The following NRXN1 variants were observed in gnomAD, a reference collection of about 807,000 sequenced individuals.
NRXN1 encodes neurexin-1.
NRXN1 carries 39 observed loss-of-function variants against 150.9 expected under a neutral mutation model. That is an observed-to-expected ratio of 0.26 (90% confidence interval 0.20 to 0.34). NRXN1 has a LOEUF of 0.34. Among genes scored for constraint, NRXN1 ranks in the 10% least tolerant of loss-of-function variants. NRXN1 has a pLI of 1.00. For missense variants in NRXN1, 1,815 were observed against 1,949.9 expected (o/e 0.93, Z 1.30); for synonymous variants, 924 against 757.0 (o/e 1.22, Z -3.62).
At chr2:50,151,594 A>T (rs562755894) in intron 18 of NRXN1, among the ~76,000 whole-genome samples, 13 of 151,886 alleles carry the variant, frequency 8.6e-5, no homozygotes, top group African/African-American at 3.1e-4. Context: ...CCAAAGCTTT[A>T]AAACAAGCAA....
At chr2:50,855,557 C>G (rs1454531629) in intron 5 of NRXN1, among the ~76,000 whole-genome samples, 1 of 151,952 alleles carries the variant, frequency 6.6e-6, no homozygotes, top group Non-Finnish European at 1.5e-5. Flanking sequence ...AAAGAATGTG[C>G]CAGAGGTTGA....
Position 50,258,705 on chromosome 2 carries a change from T to C in NRXN1, c.3365-21735A>G, listed in dbSNP as rs545678257. Reference sequence around the variant, plus strand: ...CAATGTACTTTGTCTAGATACATCATAGGAATCACTATCTATGGCAGTTAT... The same window carrying C: ...CAATGTACTTTGTCTAGATACATCACAGGAATCACTATCTATGGCAGTTAT... On this transcript the variant is annotated intron_variant, in intron 17 of 22. Transcript: ENST00000401669. 1.9e-4 allele frequency among the ~76,000 whole-genome samples: 29 copies of C among 152,152 alleles called. No individual in the cohort carries two copies. In the East Asian group the frequency reaches 4.8e-3, roughly 25 times the overall value.
intron 5 of NRXN1, among the ~76,000 whole-genome samples, chr2:50,706,386 G>A (rs765805064): frequency 6.6e-6 from 1 of 152,096 alleles, no homozygotes; most frequent in Non-Finnish European, 1.5e-5. Flanking sequence ...TTATACAACA[G>A]GTTAGCAAAT....
chr2:50,769,845 A>T (rs1253102722), intron 5 of NRXN1, among the ~76,000 whole-genome samples: 3 of 152,128 alleles, frequency 2.0e-5, no homozygotes, highest in South Asian at 2.1e-4. Flanking sequence ...AGCCTAGACA[A>T]AATAAAGAAA....
At chr2:50,339,547 C>T (rs755714125) in intron 17 of NRXN1, among the ~76,000 whole-genome samples, 10 of 152,118 alleles carry the variant, frequency 6.6e-5, no homozygotes, top group Admixed American at 2.6e-4. Flanking sequence ...CAAATCTCAC[C>T]GATATTAAGT....
chr2:50,420,140 T>C (rs2083862696), intron 17 of NRXN1, among the ~76,000 whole-genome samples: 1 of 151,998 alleles, frequency 6.6e-6, no homozygotes. Flanking sequence ...TTAAGAGAAT[T>C]AACATGGAGA....
intron 18 of NRXN1, among the ~76,000 whole-genome samples, chr2:50,164,118 C>A (rs2059534402): frequency 6.6e-6 from 1 of 152,070 alleles, no homozygotes; most frequent in South Asian, 2.1e-4. Context: ...CCATTATGAC[C>A]AATATCCTGT....
At chr2:49,963,117 G>T (rs889304268) in intron 21 of NRXN1, among the ~76,000 whole-genome samples, 1 of 152,142 alleles carries the variant, frequency 6.6e-6, no homozygotes, top group African/African-American at 2.4e-5. Context: ...CCCCTACAAT[G>T]TGTAATCTTA....
intron 17 of NRXN1, among the ~76,000 whole-genome samples, chr2:50,255,674 T>G (rs2067629873): frequency 6.6e-6 from 1 of 152,142 alleles, no homozygotes. Context: ...GGCTTCCAAC[T>G]TAAAAATTCC....
intron 5 of NRXN1, among the ~76,000 whole-genome samples, chr2:50,703,862 A>G (rs1694086886): frequency 6.6e-6 from 1 of 152,148 alleles, no homozygotes; most frequent in Non-Finnish European, 1.5e-5. Context: ...CAGACTGAAT[A>G]AGAAACTTGC....
intron 8 of NRXN1, among the ~76,000 whole-genome samples, chr2:50,554,934 G>A (rs1006857298): frequency 1.3e-5 from 2 of 151,978 alleles, no homozygotes; most frequent in African/African-American, 4.8e-5. Flanking sequence ...ATAACAAAAA[G>A]GAATTACATT....
Position 50,152,361 on chromosome 2 carries a change from T to G in NRXN1, c.3547-60867A>C, listed in dbSNP as rs138737309. Among the ~76,000 whole-genome samples, 709 of 151,846 alleles carry G rather than the reference T, an allele frequency of 4.7e-3. 10 individuals are homozygous for G. The highest frequency in any genetic ancestry group is 4.9e-3 in the Non-Finnish European group (330 of 67,778). ...GTTCTCAAGGTTCATCCATGAACCC[T>G]GCATATGTCAGAATTTCTTTCCTTT... On this transcript the variant is annotated intron_variant, in intron 18 of 22. Transcript: ENST00000401669.
intron 13 of NRXN1, among the ~76,000 whole-genome samples, chr2:50,499,079 C>T (rs987491407): frequency 6.6e-6 from 1 of 152,124 alleles, no homozygotes; most frequent in African/African-American, 2.4e-5. Context: ...TTAGTCAAGA[C>T]AGTAAAATAT....
At chr2:50,302,103 T>C (rs1016420318) in intron 17 of NRXN1, among the ~76,000 whole-genome samples, 1 of 104,734 alleles carries the variant, frequency 9.5e-6, no homozygotes, top group African/African-American at 3.2e-5. Context: ...TGAAGATATG[T>C]AGGAAAAAAA....
At chr2:50,566,055 C>A (rs960091314) in intron 8 of NRXN1, among the ~76,000 whole-genome samples, 2 of 152,098 alleles carry the variant, frequency 1.3e-5, no homozygotes, top group African/African-American at 2.4e-5. Flanking sequence ...CGATGCTGAC[C>A]CGACACTAGG....
chr2:51,025,185 C>T (rs2105309304), intron 2 of NRXN1, among the ~76,000 whole-genome samples: 1 of 152,234 alleles, frequency 6.6e-6, no homozygotes. Context: ...ATCTTTTGCA[C>T]TCCATTTTCA....
chr2:50,395,265 A>G (rs1350092958), intron 17 of NRXN1, among the ~76,000 whole-genome samples: 2 of 151,882 alleles, frequency 1.3e-5, no homozygotes, highest in Non-Finnish European at 2.9e-5. Flanking sequence ...AAAGACTACG[A>G]GATTGAAATA....
chr2:50,578,621 G>A (rs1671787212), intron 8 of NRXN1, among the ~76,000 whole-genome samples: 1 of 151,876 alleles, frequency 6.6e-6, no homozygotes, highest in African/African-American at 2.4e-5. Context: ...CTGTGCATGT[G>A]TGTATTTAAT....
chr2:50,161,467 A>G (rs2059360631), intron 18 of NRXN1, among the ~76,000 whole-genome samples: 2 of 152,132 alleles, frequency 1.3e-5, no homozygotes, highest in South Asian at 4.1e-4. Flanking sequence ...TGTCAGGCTG[A>G]CTGTCACTGA....
Sources: allele counts gnomAD v4.1 joint callset (sites outside exome capture counted in the v4.1 genomes callset), GRCh38; gene constraint gnomAD v4.1.1; transcripts MANE v1.5; gene names NCBI Gene and HGNC (gene_info 2026-07-23, HGNC 2026-07-21).